NXPE2: variants seen among roughly 807,000 people sequenced by gnomAD.
NXPE2 encodes the protein neurexophilin and PC-esterase domain family member 2, also known as NXPE family member 2.
In NXPE2, 34 loss-of-function variants were observed where a neutral mutation model predicts 34.4. The ratio of observed to expected loss-of-function variants is 0.99; its 90% CI spans 0.75 to 1.31. The LOEUF is 1.31. Among genes scored for constraint, NXPE2 ranks in the 40% most tolerant of loss-of-function variants. NXPE2 has a pLI of 0.00. For synonymous variants in NXPE2, 235 were observed against 231.3 expected (o/e 1.02, Z -0.15); for missense variants, 649 against 672.5 (o/e 0.97, Z 0.39).
At chr11:114,585,676 A>G in the NXPE2 span, among the ~76,000 whole-genome samples, 2 of 152,170 alleles carry the variant, frequency 1.3e-5, no homozygotes, top group African/African-American at 4.8e-5. Flanking sequence ...AACAGGAACT[A>G]GAAAGAAATT....
chr11:114,758,629 TAGAATCAGAGG>T, the NXPE2 span, among the ~76,000 whole-genome samples: 2 of 152,140 alleles, frequency 1.3e-5, no homozygotes, highest in African/African-American at 4.8e-5. Flanking sequence ...AGATCTGGGC[TAGAATCAGAGG>T]AGAATCAGAG....
the NXPE2 span, among the ~76,000 whole-genome samples, chr11:114,811,596 C>A: frequency 3.3e-5 from 5 of 152,150 alleles, no homozygotes; most frequent in Middle Eastern, 3.2e-3. Context: ...GATGGCCGGG[C>A]CTTACCCCTG....
chr11:114,545,937 C>T, the NXPE2 span, among the ~76,000 whole-genome samples: 1 of 152,130 alleles, frequency 6.6e-6, no homozygotes, highest in South Asian at 2.1e-4. Flanking sequence ...GATCCACCCA[C>T]CTCGGCCTCC....
At chr11:114,688,109 T>G (rs895408158) in intron 2 of NXPE2, among the ~76,000 whole-genome samples, 1 of 151,988 alleles carries the variant, frequency 6.6e-6, no homozygotes, top group African/African-American at 2.4e-5. Flanking sequence ...ATTACTCTGG[T>G]TAGGACTTCC....
chr11:114,483,559 C>T, the NXPE2 span, among the ~76,000 whole-genome samples: 4 of 152,218 alleles, frequency 2.6e-5, no homozygotes, highest in Admixed American at 2.0e-4. Context: ...AGGAAAAACA[C>T]ATAGAGTTAA....
chr11:114,464,312 C>T, the NXPE2 span, among the ~76,000 whole-genome samples: 16 of 151,978 alleles, frequency 1.1e-4, no homozygotes, highest in South Asian at 2.9e-3. Flanking sequence ...GGGGTCTTGG[C>T]GTGTTGCCCA....
At chr11:114,583,118 C>T in the NXPE2 span, 5 of 1,296,446 alleles carry the variant, frequency 3.9e-6, no homozygotes, top group South Asian at 7.3e-5. Context: ...TTAACATGTT[C>T]CTAGTCATTT....
chr11:114,687,152 A>T (rs1282815726), intron 2 of NXPE2, among the ~76,000 whole-genome samples: 1 of 151,974 alleles, frequency 6.6e-6, no homozygotes, highest in East Asian at 1.9e-4. Context: ...TTTTTGTTAC[A>T]TTTGCTTTGA....
At chr11:114,748,245 T>C in the NXPE2 span, among the ~76,000 whole-genome samples, 1 of 152,208 alleles carries the variant, frequency 6.6e-6, no homozygotes, top group Non-Finnish European at 1.5e-5. Flanking sequence ...TTTCCTGAGA[T>C]GTTTGGGAGT....
the NXPE2 span, among the ~76,000 whole-genome samples, chr11:114,717,767 C>T: frequency 2.0e-4 from 31 of 152,172 alleles, no homozygotes; most frequent in African/African-American, 4.8e-4. Flanking sequence ...CTCATCTTCT[C>T]GACAGCTCTC....
chr11:114,776,261 G>A, the NXPE2 span, among the ~76,000 whole-genome samples: 1 of 152,238 alleles, frequency 6.6e-6, no homozygotes, highest in African/African-American at 2.4e-5. Flanking sequence ...AAGGTCCCAG[G>A]CATGTGTTAC....
the NXPE2 span, among the ~76,000 whole-genome samples, chr11:114,607,612 G>A: frequency 1.3e-5 from 2 of 148,236 alleles, no homozygotes; most frequent in Non-Finnish European, 3.0e-5. Flanking sequence ...TGAGTAACCA[G>A]TGTTACCCGG....
chr11:114,722,370 C>T, the NXPE2 span, among the ~76,000 whole-genome samples: 1 of 152,126 alleles, frequency 6.6e-6, no homozygotes, highest in Non-Finnish European at 1.5e-5. Flanking sequence ...CAGTAAGTAT[C>T]CTGAGGTCTT....
chr11:114,594,629 G>A, the NXPE2 span: 3 of 1,359,588 alleles, frequency 2.2e-6, no homozygotes, highest in Non-Finnish European at 3.1e-6. Context: ...GCAAAAATAA[G>A]CTTCTGTAAA....
the NXPE2 span, among the ~76,000 whole-genome samples, chr11:114,780,938 G>A: frequency 6.6e-6 from 1 of 152,180 alleles, no homozygotes; most frequent in Non-Finnish European, 1.5e-5. Context: ...GATGAGGGGT[G>A]AGGCATTGCA....
At chr11:114,600,044 A>G in the NXPE2 span, among the ~76,000 whole-genome samples, 1 of 152,224 alleles carries the variant, frequency 6.6e-6, no homozygotes. Context: ...AAGTGAAGGA[A>G]ATACAAAGTG....
the NXPE2 span, among the ~76,000 whole-genome samples, chr11:114,542,780 AT>A: frequency 1.3e-5 from 2 of 152,234 alleles, no homozygotes; most frequent in Non-Finnish European, 2.9e-5. Context: ...ATGGATTAAA[AT>A]AAACATAATC....
chr11:114,734,848 C>T, the NXPE2 span, among the ~76,000 whole-genome samples: 17 of 152,152 alleles, frequency 1.1e-4, no homozygotes, highest in Non-Finnish European at 1.0e-4. Context: ...GTGGCTCACG[C>T]CTGTAATCCC....
the NXPE2 span, among the ~76,000 whole-genome samples, chr11:114,584,873 T>C: frequency 6.6e-6 from 1 of 152,258 alleles, no homozygotes; most frequent in East Asian, 1.9e-4. Context: ...CTGGGTGATC[T>C]CTTCTAGGAA....
Sources: gnomAD v4.1 joint callset for allele counts (sites outside exome capture counted in the v4.1 genomes callset) on GRCh38, gnomAD v4.1.1 for gene constraint, MANE v1.5 for transcripts, NCBI Gene and HGNC (gene_info 2026-07-23, HGNC 2026-07-21) for gene names.